Variants in DENND1A observed in about 807,000 individuals in gnomAD.
The protein encoded by DENND1A is DENN domain-containing protein 1A.
Under a neutral mutation model 113.7 loss-of-function variants are expected in DENND1A, and 51 were observed. The ratio of observed to expected loss-of-function variants is 0.45; its 90% CI spans 0.36 to 0.57. The LOEUF is 0.57. Among genes scored for constraint, DENND1A ranks in the 20% least tolerant of loss-of-function variants. The pLI is 0.00. For synonymous variants in DENND1A, 565 were observed against 570.8 expected (o/e 0.99, Z 0.14); for missense variants, 1,258 against 1,395.9 (o/e 0.90, Z 1.57).
chr9:123,924,444 G>A (rs745307005), intron 1 of DENND1A, among the ~76,000 whole-genome samples: 7 of 152,172 alleles, frequency 4.6e-5, no homozygotes, highest in East Asian at 1.9e-4. Context: ...CAAGGCAGTC[G>A]GATCATCAGG....
At chr9:123,750,420 T>C (rs2069911719) in intron 5 of DENND1A, among the ~76,000 whole-genome samples, 1 of 152,214 alleles carries the variant, frequency 6.6e-6, no homozygotes, top group African/African-American at 2.4e-5. Context: ...CCCCATGCCC[T>C]GCACCCACAC....
At chr9:123,929,005 G>A in intron 1 of DENND1A, 5 of 751,648 alleles carry the variant, frequency 6.7e-6, no homozygotes, top group Non-Finnish European at 8.1e-6. Context: ...TCCAGTTCTG[G>A]GGCAGAGGAA....
intron 6 of DENND1A, among the ~76,000 whole-genome samples, chr9:123,674,194 G>A (rs1456849629): frequency 1.3e-5 from 2 of 152,068 alleles, no homozygotes; most frequent in East Asian, 1.9e-4. Context: ...GCCTTGCCCT[G>A]CCATCCCTTC....
At chr9:123,642,437 A>C (rs2062080477) in intron 9 of DENND1A, among the ~76,000 whole-genome samples, 1 of 152,160 alleles carries the variant, frequency 6.6e-6, no homozygotes, top group East Asian at 1.9e-4. Flanking sequence ...ACTTCATTAT[A>C]ATTTCTTAAG....
chr9:123,744,351 C>T (rs1270063868), intron 5 of DENND1A, among the ~76,000 whole-genome samples: 2 of 152,140 alleles, frequency 1.3e-5, no homozygotes, highest in African/African-American at 4.8e-5. Context: ...ATTTTAATGG[C>T]TACATGGTAT....
At chr9:123,793,867 C>T (rs538263990) in intron 2 of DENND1A, among the ~76,000 whole-genome samples, 1 of 152,264 alleles carries the variant, frequency 6.6e-6, no homozygotes, top group East Asian at 1.9e-4. Context: ...TAGAGCCTCT[C>T]GAAATGAGTG....
intron 4 of DENND1A, among the ~76,000 whole-genome samples, chr9:123,762,853 A>G (rs1330191034): frequency 6.6e-6 from 1 of 152,228 alleles, no homozygotes; most frequent in Non-Finnish European, 1.5e-5. Flanking sequence ...GATGAAATGG[A>G]GCAGCCACTC....
chr9:123,843,317 C>T, intron 2 of DENND1A: 1 of 382,914 alleles, frequency 2.6e-6, no homozygotes, highest in South Asian at 2.2e-5. Flanking sequence ...TTTCTCCTTC[C>T]ATGTAATTTT....
chr9:123,764,338 T>C lies in DENND1A; in HGVS notation c.182+5176A>G, dbSNP rs2071287632. On this transcript the variant is annotated intron_variant, in intron 4 of 23. Transcript: ENST00000394215. The surrounding 1 kb of genome is among the most constrained non-coding windows in gnomAD (Gnocchi z 4.1). Reference sequence around the variant, plus strand: ...ATTATAGCTTACCGACAATTATCTGTTGTCCATGGCAGGGCACCTAACAGA... The same window carrying C: ...ATTATAGCTTACCGACAATTATCTGCTGTCCATGGCAGGGCACCTAACAGA... 6.6e-6 allele frequency among the ~76,000 whole-genome samples: 1 copy of C among 152,240 alleles called. No individual in the cohort carries two copies. Among genetic ancestry groups the C allele is most frequent in the Non-Finnish European group, 1.5e-5 (1 of 68,040 alleles).
intron 2 of DENND1A, among the ~76,000 whole-genome samples, chr9:123,824,895 A>C (rs966368740): frequency 1.3e-5 from 2 of 152,220 alleles, no homozygotes; most frequent in Admixed American, 6.5e-5. Context: ...GGTTTTACCT[A>C]TCTCTTATAA....
intron 3 of DENND1A, among the ~76,000 whole-genome samples, chr9:123,782,175 T>G (rs1213754153): frequency 6.6e-6 from 1 of 152,218 alleles, no homozygotes; most frequent in African/African-American, 2.4e-5. Flanking sequence ...TAGCTGCCAT[T>G]AAATCTGAAA....
At chr9:123,772,532 T>G (rs1415938702) in intron 3 of DENND1A, among the ~76,000 whole-genome samples, 1 of 152,162 alleles carries the variant, frequency 6.6e-6, no homozygotes, top group African/African-American at 2.4e-5. Context: ...CCAGCCTCGG[T>G]GCAACTTCAA....
At chr9:123,553,793 C>T (rs1050878255) in intron 13 of DENND1A, among the ~76,000 whole-genome samples, 1 of 152,144 alleles carries the variant, frequency 6.6e-6, no homozygotes, top group African/African-American at 2.4e-5. Context: ...TAGTCTTGCT[C>T]TGTCACCAGG....
At chr9:123,455,439 A>C (rs1441293936) in intron 15 of DENND1A, among the ~76,000 whole-genome samples, 1 of 152,248 alleles carries the variant, frequency 6.6e-6, no homozygotes, top group African/African-American at 2.4e-5. Flanking sequence ...GCATCCTCGC[A>C]GGCCTGCAGG....
intron 5 of DENND1A, among the ~76,000 whole-genome samples, chr9:123,722,473 C>T (rs948941557): frequency 1.3e-4 from 20 of 152,212 alleles, no homozygotes; most frequent in Admixed American, 7.9e-4. Flanking sequence ...GTCTCCAAGG[C>T]ATGTCAGAGA....
intron 2 of DENND1A, among the ~76,000 whole-genome samples, chr9:123,826,139 G>A (rs981286721): frequency 2.0e-5 from 3 of 152,196 alleles, no homozygotes; most frequent in African/African-American, 4.8e-5. Flanking sequence ...GGCAGCATAA[G>A]CTAGGGGAAG....
At chr9:123,583,531 T>C (rs548942362) in intron 11 of DENND1A, among the ~76,000 whole-genome samples, 110 of 152,250 alleles carry the variant, frequency 7.2e-4, no homozygotes, top group African/African-American at 2.4e-3. Context: ...CCAGGTCACA[T>C]AGCCAGAAAG....
At chr9:123,682,256 A>ATG (rs1380887588) in intron 5 of DENND1A, among the ~76,000 whole-genome samples, 1 of 152,248 alleles carries the variant, frequency 6.6e-6, no homozygotes, top group African/African-American at 2.4e-5. Flanking sequence ...AAATTTTAGG[A>ATG]TGTAACACTC....
chr9:123,820,856 A>G (rs1838350764), intron 2 of DENND1A, among the ~76,000 whole-genome samples: 1 of 152,230 alleles, frequency 6.6e-6, no homozygotes, highest in African/African-American at 2.4e-5. Flanking sequence ...GCAATAGCGC[A>G]ATCACTGCTT....
Sources: allele counts gnomAD v4.1 joint callset (sites outside exome capture counted in the v4.1 genomes callset), GRCh38; gene constraint gnomAD v4.1.1; non-coding constraint Gnocchi (gnomAD v3.1); transcripts MANE v1.5; gene names NCBI Gene and HGNC (gene_info 2026-07-23, HGNC 2026-07-21).